The following RNF130 variants were observed in gnomAD, a reference collection of about 807,000 sequenced individuals.
The protein encoded by RNF130 is E3 ubiquitin-protein ligase RNF130.
Under a neutral mutation model 44.6 loss-of-function variants are expected in RNF130, and 21 were observed. That is an observed-to-expected ratio of 0.47 (90% CI 0.33 to 0.68). RNF130 has a LOEUF of 0.68. RNF130 is among the 30% of genes least tolerant of loss of function. The pLI is 0.02. For missense variants in RNF130, 479 were observed against 560.6 expected (o/e 0.85, Z 1.47); for synonymous variants, 214 against 210.4 (o/e 1.02, Z -0.15).
intron 8 of RNF130, among the ~76,000 whole-genome samples, chr5:179,957,364 A>G (rs1257974776): frequency 6.6e-6 from 1 of 151,982 alleles, no homozygotes; most frequent in East Asian, 1.9e-4. Context: ...GTGAGCCGAG[A>G]TCCCACCACT....
intron 1 of RNF130, among the ~76,000 whole-genome samples, chr5:180,050,725 T>C (rs1764669616): frequency 1.3e-5 from 2 of 152,264 alleles, no homozygotes; most frequent in Non-Finnish European, 2.9e-5. Context: ...TTTGTTCTCA[T>C]TCTTGAGTGA....
chr5:179,928,585 C>T (rs1224471724), intron 7 of RNF130, among the ~76,000 whole-genome samples: 1 of 151,650 alleles, frequency 6.6e-6, no homozygotes, highest in African/African-American at 2.4e-5. Context: ...GTGAGTTAAG[C>T]ATTGCAGGTA....
Position 180,013,042 on chromosome 5 carries a change from T to C in RNF130, c.693+19A>G, listed in dbSNP as rs1763628108. Reference sequence around the variant, plus strand: ...ACTCTGGCTGTTACGAACCAATCACTGTTGAGTACTGAGCTCACCTGGTTC... The same window carrying C: ...ACTCTGGCTGTTACGAACCAATCACCGTTGAGTACTGAGCTCACCTGGTTC... On this transcript the variant is annotated intron_variant, in intron 3 of 8. Coordinates refer to ENST00000521389, the MANE Select transcript of RNF130 (RefSeq NM_018434.6). The C allele has an allele frequency of 1.9e-6, 3 of 1,604,858 alleles. No individual in the cohort carries two copies. The highest frequency in any genetic ancestry group is 2.6e-6 in the Non-Finnish European group (3 of 1,175,790).
At chr5:179,957,196 G>A (rs1762230927) in intron 8 of RNF130, among the ~76,000 whole-genome samples, 1 of 152,182 alleles carries the variant, frequency 6.6e-6, no homozygotes, top group South Asian at 2.1e-4. Flanking sequence ...TGGATCACCT[G>A]AGGTCAGGAG....
rs79118463 is a variant in RNF130, at chr5:179,931,200, G to A, written c.1151-10774C>T. On this transcript the variant is annotated intron_variant, in intron 7 of 7. Transcript: ENST00000522208. ...GACAGTGTTTCCCGCCTGAAGTACCGCACATCTGAACTGGGACTGTAACAC... is the reference window on the plus strand; with the variant it reads ...GACAGTGTTTCCCGCCTGAAGTACCACACATCTGAACTGGGACTGTAACAC... Among the ~76,000 whole-genome samples the A allele has an allele frequency of 5.1e-3, 777 of 152,196 alleles. 18 individuals carry two copies. Among genetic ancestry groups the A allele is most frequent in the Admixed American group, 0.038 (577 of 15,280 alleles).
intron 8 of RNF130, among the ~76,000 whole-genome samples, chr5:179,958,840 C>T (rs1762266173): frequency 6.6e-6 from 1 of 152,042 alleles, no homozygotes; most frequent in Non-Finnish European, 1.5e-5. Flanking sequence ...GCCACCACAC[C>T]CAGCTAATTT....
chr5:180,012,245 C>T (rs1227370261), intron 3 of RNF130, among the ~76,000 whole-genome samples: 1 of 152,116 alleles, frequency 6.6e-6, no homozygotes, highest in Non-Finnish European at 1.5e-5. Context: ...TGTGCCCATC[C>T]CCACAGGAAT....
chr5:180,033,232 T>C (rs1456277835), intron 2 of RNF130, among the ~76,000 whole-genome samples: 1 of 152,204 alleles, frequency 6.6e-6, no homozygotes, highest in Non-Finnish European at 1.5e-5. Flanking sequence ...TCCTCCCTCC[T>C]TGGCCTCCCA....
At chr5:179,984,289 G>A (rs864481) in intron 3 of RNF130, among the ~76,000 whole-genome samples, 39,855 of 151,774 alleles carry the variant, frequency 0.26, 6,267 homozygotes, top group African/African-American at 0.45. Context: ...TTTACTTACT[G>A]TGCTGGCTAG....
At chr5:179,980,014 G>T in intron 4 of RNF130, 115 bp downstream of exon 4, 1 of 833,870 alleles carries the variant, frequency 1.2e-6, no homozygotes, top group Non-Finnish European at 2.0e-6. Context: ...AGGTAGTGTA[G>T]TTGGAGAAAA....
At chr5:180,060,139 G>C (rs1764939722) in intron 1 of RNF130, among the ~76,000 whole-genome samples, 1 of 152,202 alleles carries the variant, frequency 6.6e-6, no homozygotes, top group South Asian at 2.1e-4. Flanking sequence ...CCCCCTGAGA[G>C]CTCCAAAGCC....
At chr5:179,946,053 G>A (rs1272643891) in intron 7 of RNF130, among the ~76,000 whole-genome samples, 1 of 152,214 alleles carries the variant, frequency 6.6e-6, no homozygotes, top group Non-Finnish European at 1.5e-5. Flanking sequence ...CTTCCCATCA[G>A]CGTTTCGCTG....
At chr5:180,069,418 A>AC (rs1765194147) in intron 1 of RNF130, among the ~76,000 whole-genome samples, 1 of 145,094 alleles carries the variant, frequency 6.9e-6, no homozygotes, top group Non-Finnish European at 1.5e-5. Context: ...CCTCACCCCC[A>AC]CCCCGAGAAA....
chr5:180,020,440 G>A (rs527715014), intron 2 of RNF130, among the ~76,000 whole-genome samples: 24 of 152,262 alleles, frequency 1.6e-4, no homozygotes, highest in African/African-American at 4.3e-4. Context: ...ACCCACAGAC[G>A]CACAGCAAAG....
At chr5:180,065,708 C>A (rs1324865216) in intron 1 of RNF130, among the ~76,000 whole-genome samples, 1 of 148,868 alleles carries the variant, frequency 6.7e-6, no homozygotes, top group Non-Finnish European at 1.5e-5. Context: ...TGCAGTGTGC[C>A]AAGATCATGC....
chr5:179,948,330 C>G (rs1762074225), intron 7 of RNF130, among the ~76,000 whole-genome samples: 1 of 152,208 alleles, frequency 6.6e-6, no homozygotes, highest in Admixed American at 6.5e-5. Context: ...CATGGCAGAC[C>G]TGGAATGGTG....
At chr5:180,057,328 C>T (rs939543444) in intron 1 of RNF130, among the ~76,000 whole-genome samples, 1 of 152,220 alleles carries the variant, frequency 6.6e-6, no homozygotes, top group South Asian at 2.1e-4. Flanking sequence ...GCGGGAGGAT[C>T]ACCCGAGGTC....
At chr5:179,978,343 G>T (rs1762763181) in intron 4 of RNF130, 58 bp from the exon 5 acceptor site, 4 of 1,124,256 alleles carry the variant, frequency 3.6e-6, no homozygotes, top group South Asian at 1.2e-5. Flanking sequence ...AAATGGTTGG[G>T]ATGCAATTCA....
intron 7 of RNF130, 98 bp downstream of exon 7, chr5:179,966,708 T>C (rs1050797336): frequency 5.0e-6 from 5 of 993,572 alleles, no homozygotes; most frequent in Non-Finnish European, 7.7e-6. Flanking sequence ...TTACAGTCTG[T>C]GTTGCAGGCT....
Sources: gnomAD v4.1 joint callset for allele counts (sites outside exome capture counted in the v4.1 genomes callset) on GRCh38, gnomAD v4.1.1 for gene constraint, MANE v1.5 for transcripts, NCBI Gene and HGNC (gene_info 2026-07-23, HGNC 2026-07-21) for gene names.